The following TMX2 variants were observed in gnomAD, a reference collection of about 807,000 sequenced individuals.
TMX2 encodes thioredoxin related transmembrane protein 2, also known as thioredoxin-related transmembrane protein 2.
TMX2 carries 20 observed loss-of-function variants against 33.4 expected under a neutral mutation model. The ratio of observed to expected loss-of-function variants is 0.60; its 90% CI spans 0.42 to 0.87. TMX2 has a LOEUF of 0.87. Among genes scored for constraint, TMX2 ranks in the 40% least tolerant of loss-of-function variants. The pLI, the probability that TMX2 is intolerant of heterozygous loss-of-function variation, is 0.00. For missense variants in TMX2, 340 were observed against 370.7 expected, an observed-to-expected ratio of 0.92 and a Z score of 0.68; for synonymous variants, 166 against 140.7, an observed-to-expected ratio of 1.18 and a Z score of -1.27.
rs966991886 is a variant in TMX2, at chr11:57,740,376, G to C, written c.*131G>C. The C allele has an allele frequency of 7.7e-6, 9 of 1,162,378 alleles. No individual in the cohort carries two copies. The highest frequency in any genetic ancestry group is 1.0e-5 in the Non-Finnish European group (9 of 861,166). The allele number at this position is 1,162,378 out of a possible 1,614,324, so 72.0% of individuals were successfully genotyped here. ...CTGGGTGGGGCAGCATGCAGCTTCT[G>C]ATTTTAAAGAGGCATCTAGGGAATT... On this transcript the variant is annotated 3_prime_UTR_variant, in exon 8 of 8. Transcript: ENST00000278422.
intron 1 of TMX2, among the ~76,000 whole-genome samples, chr11:57,716,189 C>T (rs79430588): frequency 2.0e-5 from 3 of 149,074 alleles, no homozygotes; most frequent in South Asian, 4.3e-4. Flanking sequence ...CCTCCCGGAC[C>T]GGGCGGCTGG....
intron 1 of TMX2, among the ~76,000 whole-genome samples, chr11:57,723,900 T>G (rs2911727): frequency 2.0e-5 from 3 of 149,544 alleles, no homozygotes; most frequent in African/African-American, 7.4e-5. Context: ...TTTTTTTTTT[T>G]AAAAAGGAAA....
At position 57,738,778 on chromosome 11, in the gene TMX2, G is replaced by A. The variant is rs765042370; in HGVS notation, c.548+8G>A. 15 of 1,608,078 alleles carry A rather than the reference G, an allele frequency of 9.3e-6. No individual in the cohort carries two copies. The highest frequency in any genetic ancestry group is 1.3e-5 in the Non-Finnish European group (15 of 1,174,498). The stretch of plus-strand genomic sequence containing the variant: ...TGCTGACCTCTCCCTTAAGTGAGTA[G>A]TGCAAAGGGAGGGATGGTGGAAATG... On this transcript the variant is annotated splice_region_variant and intron_variant, in intron 5 of 7. Coordinates refer to ENST00000278422, the MANE Select transcript of TMX2 (RefSeq NM_015959.4).
chr11:57,724,294 A>C (rs1019492158), intron 1 of TMX2, among the ~76,000 whole-genome samples: 4 of 152,134 alleles, frequency 2.6e-5, no homozygotes, highest in Non-Finnish European at 4.4e-5. Flanking sequence ...TTGCCCTGAG[A>C]AGGGAACTGC....
At chr11:57,739,778 C>T (rs1012074817) in intron 7 of TMX2, among the ~76,000 whole-genome samples, 4 of 151,966 alleles carry the variant, frequency 2.6e-5, no homozygotes, top group African/African-American at 4.8e-5. Flanking sequence ...GATTCTGTCT[C>T]GAAGGCCACT....
chr11:57,715,890 G>A (rs1590898213), intron 1 of TMX2, among the ~76,000 whole-genome samples: 1 of 152,100 alleles, frequency 6.6e-6, no homozygotes. Context: ...AGAGAGCACA[G>A]GGTTGGGGGT....
intron 1 of TMX2, among the ~76,000 whole-genome samples, chr11:57,735,745 A>AT (rs1167660063): frequency 1.3e-5 from 2 of 152,214 alleles, no homozygotes; most frequent in African/African-American, 2.4e-5. Context: ...ATATCTGTCC[A>AT]TAAGACCCAT....
Position 57,738,650 on chromosome 11 carries a change from C to A in TMX2, c.442-14C>A, listed in dbSNP as rs1948898329. ...ATGTGGATCCAGCTGACTTTTCTTCCCTGTATTTGGCAGGAGGAACTAGAA... is the reference window on the plus strand; with the variant it reads ...ATGTGGATCCAGCTGACTTTTCTTCACTGTATTTGGCAGGAGGAACTAGAA... On this transcript the variant is annotated splice_polypyrimidine_tract_variant and intron_variant, in intron 4 of 7. Transcript: ENST00000278422. 6.2e-7 allele frequency: 1 copy of A among 1,611,142 alleles called. No homozygotes were observed. Among genetic ancestry groups the A allele is most frequent in the African/African-American group, 1.3e-5 (1 of 74,840 alleles).
rs759362250 is a variant in TMX2 at position 57,737,625 on chromosome 11, G to C, written c.207G>C (p.Leu69=). 6.2e-7 allele frequency: 1 copy of C among 1,614,090 alleles called. No homozygotes were observed. The highest frequency in any genetic ancestry group is 1.1e-5 in the South Asian group (1 of 91,080). ...CDFDWREVEI[L]MFLSAIVMMK... Reference sequence around the variant, plus strand: ...TGTTCCAGAGAGAAGTGGAGATCCTGATGTTTCTCAGTGCCATTGTGATGA... The same window carrying C: ...TGTTCCAGAGAGAAGTGGAGATCCTCATGTTTCTCAGTGCCATTGTGATGA... Residue 69 remains leucine, a synonymous_variant, in exon 2 of 8, where the codon CTG becomes CTC. Transcript: ENST00000278422.
chr11:57,722,482 A>G (rs577175260), intron 1 of TMX2, among the ~76,000 whole-genome samples: 44 of 152,322 alleles, frequency 2.9e-4, no homozygotes, highest in African/African-American at 1.0e-3. Flanking sequence ...TAAGGGAGAA[A>G]AATTGTTTTT....
chr11:57,740,401 T>C lies in TMX2; in HGVS notation c.*156T>C. On this transcript the variant is annotated 3_prime_UTR_variant, in exon 8 of 8. Coordinates refer to ENST00000278422, the MANE Select transcript of TMX2 (RefSeq NM_015959.4). ...GATTTTAAAGAGGCATCTAGGGAAT[T>C]GTCAGGCACCCTACAGGAAGGCCTG... The C allele has an allele frequency of 1.1e-6, 1 of 911,382 alleles. No homozygotes were observed. Among genetic ancestry groups the C allele is most frequent in the East Asian group, 2.9e-5 (1 of 34,068 alleles). 56.5% of individuals were successfully genotyped at this position (911,382 alleles called of 1,614,324 possible). A position where few individuals can be genotyped will look rare whatever the true frequency, so the allele number is the denominator to read the frequency against.
In TMX2 at chr11:57,731,433, CTTTTTTTTTTT is replaced by C. The variant is rs140987390; in HGVS notation, c.190-6161_190-6151del. Among the ~76,000 whole-genome samples, 22 of 67,018 alleles carry C rather than the reference CTTTTTTTTTTT, an allele frequency of 3.3e-4. 1 individual carries two copies. In the East Asian group the frequency reaches 3.6e-3, roughly 11 times the overall value. 44.0% of individuals were successfully genotyped at this position (67,018 alleles called of 152,430 possible). A position where few individuals can be genotyped will look rare whatever the true frequency, so the allele number is the denominator to read the frequency against. On this transcript the variant is annotated intron_variant, in intron 1 of 7. Coordinates refer to ENST00000278422, the MANE Select transcript of TMX2 (RefSeq NM_015959.4). ...GCAAGGGTGAGACACCGCACCCAGC[CTTTTTTTTTTT>C]TTTTTTTTTTTTTGAGACCAAAAAA...
chr11:57,717,164 T>A (rs1447604484), intron 1 of TMX2, among the ~76,000 whole-genome samples: 1 of 149,320 alleles, frequency 6.7e-6, no homozygotes, highest in Non-Finnish European at 1.5e-5. Flanking sequence ...GAAGAGGCGC[T>A]CCTCACTTCC....
At chr11:57,738,572 G>GGAACACC (rs2135653661) in intron 4 of TMX2, 92 bp from the exon 5 acceptor site, 1 of 1,272,530 alleles carries the variant, frequency 7.9e-7, no homozygotes, top group East Asian at 2.3e-5. Flanking sequence ...CGGGGGAGAG[G>GGAACACC]GAACACCAGG....
intron 1 of TMX2, among the ~76,000 whole-genome samples, chr11:57,714,567 G>A (rs1946852873): frequency 6.6e-6 from 1 of 152,056 alleles, no homozygotes; most frequent in African/African-American, 2.4e-5. Flanking sequence ...AGCTGGTAAG[G>A]CCTTAGGAAA....
At chr11:57,715,589 T>C (rs1017721891) in intron 1 of TMX2, among the ~76,000 whole-genome samples, 1 of 145,824 alleles carries the variant, frequency 6.9e-6, no homozygotes, top group Non-Finnish European at 1.5e-5. Context: ...TTGTTTTCTT[T>C]TTTTTTTCTT....
intron 1 of TMX2, among the ~76,000 whole-genome samples, chr11:57,725,361 C>G (rs1447438046): frequency 6.6e-6 from 1 of 152,148 alleles, no homozygotes; most frequent in Admixed American, 6.5e-5. Context: ...ACTGCTAATG[C>G]TCTGCTGCTA....
intron 1 of TMX2, among the ~76,000 whole-genome samples, chr11:57,713,526 ATAAACT>A (rs1465931271): frequency 3.3e-5 from 5 of 152,348 alleles, no homozygotes; most frequent in South Asian, 2.1e-4. Flanking sequence ...TGCTCGGAAC[ATAAACT>A]TAAAGCACTT....
intron 1 of TMX2, among the ~76,000 whole-genome samples, chr11:57,733,827 A>T (rs985710723): frequency 6.6e-6 from 1 of 152,156 alleles, no homozygotes; most frequent in Non-Finnish European, 1.5e-5. Context: ...TCTGTCTTCA[A>T]CCTGTGGCCT....
Sources: allele counts gnomAD v4.1 joint callset (sites outside exome capture counted in the v4.1 genomes callset), GRCh38; gene constraint gnomAD v4.1.1; transcripts MANE v1.5; gene names NCBI Gene and HGNC (gene_info 2026-07-23, HGNC 2026-07-21).